Variants in NHEJ1 observed in about 807,000 individuals in gnomAD.
The protein encoded by NHEJ1 is non-homologous end joining factor 1, also known as non-homologous end-joining factor 1.
A neutral mutation model predicts 39.4 loss-of-function variants in NHEJ1; 22 were observed. The ratio of observed to expected loss-of-function variants is 0.56; its 90% confidence interval spans 0.40 to 0.80. The LOEUF (loss-of-function observed/expected upper bound fraction) is 0.80, where lower values mean the gene tolerates loss of function less well. Among genes scored for constraint, NHEJ1 ranks in the 30% least tolerant of loss-of-function variants. The pLI is 0.00. For missense variants in NHEJ1, 329 were observed against 357.1 expected, an observed-to-expected ratio of 0.92 and a Z score of 0.63; for synonymous variants, 154 against 135.6, an observed-to-expected ratio of 1.14 and a Z score of -0.94.
Position 219,088,034 on chromosome 2 carries a change from T to C in NHEJ1, c.589-9828A>G, listed in dbSNP as rs566673359. On this transcript the variant is annotated intron_variant, in intron 5 of 7. Transcript: ENST00000356853. Reference sequence around the variant, plus strand: ...AAAACCACAACCGGATATCTCTATATATTCATCATAATGGCTAGAAGGAAA... The same window carrying C: ...AAAACCACAACCGGATATCTCTATACATTCATCATAATGGCTAGAAGGAAA... 1.6e-4 allele frequency among the ~76,000 whole-genome samples: 24 copies of C among 152,352 alleles called. No homozygotes were observed. In the East Asian group the frequency reaches 4.6e-3, roughly 29 times the overall value.
chr2:219,130,218 G>C (rs1949565204), intron 5 of NHEJ1, among the ~76,000 whole-genome samples: 1 of 152,164 alleles, frequency 6.6e-6, no homozygotes, highest in East Asian at 1.9e-4. Flanking sequence ...TTTATATCTA[G>C]AGAGACCTAT....
At chr2:219,115,251 C>CA (rs1487702555) in intron 5 of NHEJ1, among the ~76,000 whole-genome samples, 3 of 151,852 alleles carry the variant, frequency 2.0e-5, no homozygotes, top group African/African-American at 7.2e-5. Context: ...AACTAAAAAG[C>CA]AAAAAAGAAG....
rs374317943 is a variant in NHEJ1, at chr2:219,109,239, G to C, written c.589-31033C>G. Reference sequence around the variant, plus strand: ...ATTTGGGCAACTGGATAATATGCCAGGGATTCTGGTTATTGGAGCCAGAAC... The same window carrying C: ...ATTTGGGCAACTGGATAATATGCCACGGATTCTGGTTATTGGAGCCAGAAC... On this transcript the variant is annotated intron_variant, in intron 5 of 7. Coordinates refer to ENST00000356853, the MANE Select transcript of NHEJ1 (RefSeq NM_024782.3). 1.2e-4 allele frequency among the ~76,000 whole-genome samples: 18 copies of C among 151,356 alleles called. No individual in the cohort carries two copies. In the East Asian group the frequency reaches 3.1e-3, roughly 26 times the overall value.
intron 5 of NHEJ1, among the ~76,000 whole-genome samples, chr2:219,099,237 T>C (rs1490099950): frequency 6.6e-6 from 1 of 152,222 alleles, no homozygotes; most frequent in African/African-American, 2.4e-5. Flanking sequence ...CACTTTGCGC[T>C]GGACAATTCC....
intron 5 of NHEJ1, among the ~76,000 whole-genome samples, chr2:219,081,225 T>C (rs1005685803): frequency 1.3e-5 from 2 of 152,124 alleles, no homozygotes; most frequent in Non-Finnish European, 2.9e-5. Flanking sequence ...TCTCAGAATA[T>C]ACTAGGGAAG....
chr2:219,101,907 G>A (rs971236384), intron 5 of NHEJ1, among the ~76,000 whole-genome samples: 10 of 151,326 alleles, frequency 6.6e-5, no homozygotes, highest in African/African-American at 2.2e-4. Context: ...TTGTATTTTA[G>A]CGGAGATGGC....
rs544905338 is a variant in NHEJ1 at position 219,158,352 on chromosome 2, A to G, written c.11T>C (p.Leu4Pro). Residue 4 changes from leucine to proline, a missense_variant, in exon 2 of 8, where the codon CTG becomes CCG. Leu to Pro is a moderately conservative substitution (Grantham distance 98). Coordinates refer to ENST00000356853, the MANE Select transcript of NHEJ1 (RefSeq NM_024782.3). The stretch of plus-strand genomic sequence containing the variant: ...TGGCTGCATCAACAGGCCTTGCTCC[A>G]GTTCTTCCATCTGCAAAAAAGTCCT... MEE[L>P]EQGLLMQPWA... 50 of 1,614,138 alleles carry G rather than the reference A, an allele frequency of 3.1e-5. No individual in the cohort carries two copies. Among genetic ancestry groups the G allele is most frequent in the African/African-American group, 5.3e-5 (4 of 75,028 alleles).
intron 5 of NHEJ1, among the ~76,000 whole-genome samples, chr2:219,131,814 T>C (rs1949581593): frequency 6.6e-6 from 1 of 152,350 alleles, no homozygotes; most frequent in South Asian, 2.1e-4. Flanking sequence ...CAGAGCGCTC[T>C]AGCTTTGAAC....
intron 5 of NHEJ1, among the ~76,000 whole-genome samples, chr2:219,088,122 G>C (rs1949128623): frequency 6.6e-6 from 1 of 152,208 alleles, no homozygotes; most frequent in South Asian, 2.1e-4. Context: ...TAAACTGCTG[G>C]TGTGGTTATA....
intron 4 of NHEJ1, 78 bp from the exon 5 acceptor site, chr2:219,146,816 C>G (rs1574741482): frequency 9.0e-7 from 1 of 1,111,450 alleles, no homozygotes; most frequent in Non-Finnish European, 1.4e-6. Context: ...GGGAACAGAA[C>G]AGGGCTACTT....
At chr2:219,104,598 T>A (rs1223840454) in intron 5 of NHEJ1, among the ~76,000 whole-genome samples, 1 of 152,068 alleles carries the variant, frequency 6.6e-6, no homozygotes, top group Non-Finnish European at 1.5e-5. Flanking sequence ...AGAGAACAAC[T>A]TTTACTACAT....
At chr2:219,141,866 A>G (rs1450687807) in intron 5 of NHEJ1, among the ~76,000 whole-genome samples, 1 of 152,098 alleles carries the variant, frequency 6.6e-6, no homozygotes, top group Admixed American at 6.6e-5. Flanking sequence ...GAAGACGGAG[A>G]GCCAGCCAAA....
chr2:219,104,373 T>G (rs952409353), intron 5 of NHEJ1, among the ~76,000 whole-genome samples: 4 of 152,210 alleles, frequency 2.6e-5, no homozygotes, highest in Non-Finnish European at 4.4e-5. Flanking sequence ...GCTCCAGAAC[T>G]GACAGAATTA....
At chr2:219,121,072 G>A (rs906348203) in intron 5 of NHEJ1, among the ~76,000 whole-genome samples, 3 of 152,082 alleles carry the variant, frequency 2.0e-5, no homozygotes, top group South Asian at 2.1e-4. Context: ...GGTGCATGCC[G>A]GTGCATGCCT....
At chr2:219,077,441 AT>A in intron 6 of NHEJ1, 77 bp from the exon 7 acceptor site, 1 of 1,132,644 alleles carries the variant, frequency 8.8e-7, no homozygotes. Flanking sequence ...TTCACCAAGC[AT>A]TCTGATAAAG....
Position 219,075,266 on chromosome 2 carries a change from G to A in NHEJ1, c.*1115C>T, listed in dbSNP as rs1024451153. On this transcript the variant is annotated 3_prime_UTR_variant, in exon 8 of 8. Transcript: ENST00000356853. ...ATGATGCTATGAGGATCAATGTCAA[G>A]TGCTCATTAGAGTAGCTGGTATACA... is the stretch of plus-strand genomic sequence containing the variant. The A allele has an allele frequency of 1.3e-5, 2 of 152,156 alleles. No individual in the cohort carries two copies. Among genetic ancestry groups the A allele is most frequent in the African/African-American group, 2.4e-5 (1 of 41,424 alleles). The allele number at this position is 152,156 out of a possible 1,614,324, so 9.4% of individuals were successfully genotyped here.
chr2:219,095,223 T>C (rs1309289239), intron 5 of NHEJ1: 3 of 451,502 alleles, frequency 6.6e-6, no homozygotes, highest in Non-Finnish European at 1.4e-5. Context: ...GTGGCTTTTG[T>C]AAGATCTGTG....
intron 5 of NHEJ1, among the ~76,000 whole-genome samples, chr2:219,084,554 G>A (rs147616567): frequency 8.5e-4 from 129 of 152,304 alleles, no homozygotes; most frequent in African/African-American, 3.0e-3. Flanking sequence ...CATGGCTTTT[G>A]CATCAGAAGG....
At position 219,074,861 on chromosome 2, in the gene NHEJ1, T is replaced by C; in HGVS notation, c.*1520A>G. 6.6e-6 allele frequency among the ~76,000 whole-genome samples: 1 copy of C among 152,176 alleles called. No individual in the cohort carries two copies. Among genetic ancestry groups the C allele is most frequent in the South Asian group, 2.1e-4 (1 of 4,814 alleles). ...CAGCACACTCTAGGGTCCTGTGGTC[T>C]GGGGGTAAAGAAAAGTTATCAGCAG... On this transcript the variant is annotated 3_prime_UTR_variant, in exon 8 of 8. Transcript: ENST00000356853.
Sources: allele counts gnomAD v4.1 joint callset (sites outside exome capture counted in the v4.1 genomes callset), GRCh38; gene constraint gnomAD v4.1.1; transcripts MANE v1.5; gene names NCBI Gene and HGNC (gene_info 2026-07-23, HGNC 2026-07-21).